STPG2: variants seen among roughly 807,000 people sequenced by gnomAD.
STPG2 encodes the protein sperm tail PG-rich repeat containing 2, also known as sperm-tail PG-rich repeat-containing protein 2.
Under a neutral mutation model 54.2 loss-of-function variants are expected in STPG2, and 56 were observed. That is an observed-to-expected ratio of 1.03 (90% CI 0.83 to 1.29). The LOEUF (loss-of-function observed/expected upper bound fraction) is 1.29. Among genes scored for constraint, STPG2 ranks in the 50% most tolerant of loss-of-function variants. STPG2 has a pLI of 0.00. For missense variants in STPG2, 596 were observed against 544.9 expected (o/e 1.09, Z -0.93); for synonymous variants, 200 against 181.8 (o/e 1.10, Z -0.81).
chr4:97,538,785 C>T (rs978779945), intron 4 of STPG2, among the ~76,000 whole-genome samples: 1 of 152,106 alleles, frequency 6.6e-6, no homozygotes, highest in African/African-American at 2.4e-5. Context: ...TTAAGGGCAG[C>T]CAGAGAGAAA....
At chr4:97,522,445 T>G (rs1291947691) in intron 4 of STPG2, among the ~76,000 whole-genome samples, 2 of 152,094 alleles carry the variant, frequency 1.3e-5, no homozygotes, top group Non-Finnish European at 2.9e-5. Flanking sequence ...CTTTTCCCAG[T>G]GTTTTACAAT....
intron 9 of STPG2, among the ~76,000 whole-genome samples, chr4:97,819,151 C>A (rs948598866): frequency 6.6e-6 from 1 of 151,696 alleles, no homozygotes; most frequent in Non-Finnish European, 1.5e-5. Context: ...TCAGAATTAT[C>A]CTGCATTTTA....
At chr4:97,685,601 AG>A (rs1232451419) in intron 10 of STPG2, among the ~76,000 whole-genome samples, 23 of 152,192 alleles carry the variant, frequency 1.5e-4, no homozygotes, top group African/African-American at 5.5e-4. Context: ...TAAAACTAGT[AG>A]GTATGATACT....
At chr4:97,816,941 C>T (rs1348154341) in intron 9 of STPG2, among the ~76,000 whole-genome samples, 1 of 147,236 alleles carries the variant, frequency 6.8e-6, no homozygotes, top group Non-Finnish European at 1.5e-5. Context: ...CATTTATACA[C>T]ATGTGTGTAG....
chr4:97,856,321 G>T (rs896365612), intron 8 of STPG2, among the ~76,000 whole-genome samples: 2 of 152,102 alleles, frequency 1.3e-5, no homozygotes, highest in African/African-American at 4.8e-5. Flanking sequence ...CCATTTGTTT[G>T]TGTCCTCTCT....
Position 97,739,107 on chromosome 4 carries a change from A to G in STPG2, c.1205-26293T>C, listed in dbSNP as rs1725126822. Among the ~76,000 whole-genome samples the G allele has an allele frequency of 2.0e-5, 3 of 152,162 alleles. No individual in the cohort carries two copies. In the South Asian group the frequency reaches 6.2e-4, roughly 32 times the overall value. ...TGGAAACTGAACAACCTGCTCCTGA[A>G]TGACTACTGGGTACATAATGAAATG... On this transcript the variant is annotated intron_variant, in intron 9 of 10. Coordinates refer to ENST00000295268, the MANE Select transcript of STPG2 (RefSeq NM_174952.3).
intron 5 of STPG2, among the ~76,000 whole-genome samples, chr4:98,037,897 A>G (rs1736823690): frequency 6.6e-6 from 1 of 152,142 alleles, no homozygotes. Context: ...AAATATGTAC[A>G]AGACCTTTGA....
chr4:97,531,515 A>G (rs941924150), intron 4 of STPG2, among the ~76,000 whole-genome samples: 2 of 152,230 alleles, frequency 1.3e-5, no homozygotes, highest in Admixed American at 1.3e-4. Context: ...CACAATGGAG[A>G]ACAATTCAGT....
At chr4:97,940,088 T>A (rs1460611121) in intron 8 of STPG2, among the ~76,000 whole-genome samples, 1 of 152,190 alleles carries the variant, frequency 6.6e-6, no homozygotes, top group Admixed American at 6.5e-5. Context: ...ATAAAATTCT[T>A]GGTTGAAGAT....
chr4:97,492,085 C>T (rs570950990), intron 4 of STPG2, among the ~76,000 whole-genome samples: 4 of 151,388 alleles, frequency 2.6e-5, no homozygotes, highest in African/African-American at 9.7e-5. Flanking sequence ...GCACTCAGTG[C>T]ACACCTAGAT....
intron 4 of STPG2, among the ~76,000 whole-genome samples, chr4:97,450,232 T>C (rs913522048): frequency 6.6e-6 from 1 of 152,130 alleles, no homozygotes; most frequent in Non-Finnish European, 1.5e-5. Flanking sequence ...TATTTCATGA[T>C]TTATAGAAGA....
intron 10 of STPG2, among the ~76,000 whole-genome samples, chr4:97,672,163 A>ATTTT (rs1192546583): frequency 8.3e-6 from 1 of 121,084 alleles, no homozygotes; most frequent in Non-Finnish European, 1.7e-5. Context: ...TAAACTGGTA[A>ATTTT]TTCTTTTTTT....
At chr4:97,545,746 A>G (rs1731821402) in intron 4 of STPG2, among the ~76,000 whole-genome samples, 1 of 152,110 alleles carries the variant, frequency 6.6e-6, no homozygotes, top group Admixed American at 6.5e-5. Flanking sequence ...AAAACCTAAC[A>G]ATATGAGGTA....
intron 4 of STPG2, among the ~76,000 whole-genome samples, chr4:97,533,823 T>A (rs528903892): frequency 6.6e-6 from 1 of 152,158 alleles, no homozygotes. Context: ...TTTGGTGGTA[T>A]CTTAACAAAA....
At chr4:97,593,041 AG>A (rs1733185749) in intron 10 of STPG2, among the ~76,000 whole-genome samples, 1 of 152,134 alleles carries the variant, frequency 6.6e-6, no homozygotes, top group African/African-American at 2.4e-5. Context: ...CTTTGAAACA[AG>A]GCCAGTTTGA....
At chr4:97,688,655 A>G (rs1022938141) in intron 10 of STPG2, among the ~76,000 whole-genome samples, 2 of 152,138 alleles carry the variant, frequency 1.3e-5, no homozygotes, top group Admixed American at 6.5e-5. Flanking sequence ...CTTATGTCCA[A>G]TAGGTATCAG....
intron 10 of STPG2, among the ~76,000 whole-genome samples, chr4:97,563,709 T>G (rs1411269791): frequency 6.6e-6 from 1 of 152,194 alleles, no homozygotes; most frequent in East Asian, 1.9e-4. Context: ...CAGTAGTCAT[T>G]CAGGAGCAGG....
At chr4:97,746,079 C>T (rs1725413637) in intron 9 of STPG2, among the ~76,000 whole-genome samples, 1 of 151,092 alleles carries the variant, frequency 6.6e-6, no homozygotes, top group African/African-American at 2.4e-5. Flanking sequence ...TTATTTTTCT[C>T]TCCACAGATG....
At chr4:97,988,276 A>C (rs1578759040) in intron 5 of STPG2, among the ~76,000 whole-genome samples, 1 of 152,206 alleles carries the variant, frequency 6.6e-6, no homozygotes, top group East Asian at 1.9e-4. Context: ...AGGCCACCTA[A>C]TCTAAAATTT....
Sources: allele counts gnomAD v4.1 joint callset (sites outside exome capture counted in the v4.1 genomes callset), GRCh38; gene constraint gnomAD v4.1.1; transcripts MANE v1.5; gene names NCBI Gene and HGNC (gene_info 2026-07-23, HGNC 2026-07-21).